DDR2: variants seen among roughly 807,000 people sequenced by gnomAD.
DDR2 encodes the protein discoidin domain receptor tyrosine kinase 2, also known as discoidin domain-containing receptor 2.
A neutral mutation model predicts 94.9 loss-of-function variants in DDR2; 27 were observed. That is an observed-to-expected ratio of 0.28 (90% CI 0.21 to 0.39). The LOEUF (loss-of-function observed/expected upper bound fraction) is 0.39. Ranked by LOEUF, DDR2 falls within the 10% of genes least tolerant of loss-of-function variation. The pLI is 1.00. For synonymous variants in DDR2, 382 were observed against 377.2 expected (o/e 1.01, Z -0.15); for missense variants, 783 against 1,076.0 (o/e 0.73, Z 3.81).
intron 2 of DDR2, among the ~76,000 whole-genome samples, chr1:162,682,577 A>G (rs1288580330): frequency 6.6e-6 from 1 of 152,236 alleles, no homozygotes; most frequent in Non-Finnish European, 1.5e-5. Flanking sequence ...GCAAAGAATA[A>G]TGGGTGCAAG....
intron 2 of DDR2, among the ~76,000 whole-genome samples, chr1:162,664,999 G>A (rs1658481045): frequency 1.3e-5 from 2 of 152,180 alleles, no homozygotes; most frequent in Admixed American, 6.5e-5. Flanking sequence ...AACATATGGA[G>A]TAGTTCTCTC....
intron 2 of DDR2, among the ~76,000 whole-genome samples, chr1:162,694,916 A>G (rs1436173582): frequency 6.6e-6 from 1 of 152,176 alleles, no homozygotes; most frequent in African/African-American, 2.4e-5. Flanking sequence ...TTCAAATTTT[A>G]ATACCACTTT....
chr1:162,777,974 A>G (rs1647677288), intron 16 of DDR2: 1 of 159,138 alleles, frequency 6.3e-6, no homozygotes, highest in African/African-American at 2.4e-5. Flanking sequence ...GTGACTGGCC[A>G]TTGCACTCCA....
chr1:162,680,174 G>A (rs992490258), intron 2 of DDR2, among the ~76,000 whole-genome samples: 1 of 152,070 alleles, frequency 6.6e-6, no homozygotes, highest in Admixed American at 6.6e-5. Context: ...TGTTGCAATT[G>A]CTTTTGGTGT....
At chr1:162,714,148 TA>T (rs1202658216) in intron 2 of DDR2, among the ~76,000 whole-genome samples, 5 of 152,184 alleles carry the variant, frequency 3.3e-5, no homozygotes, top group Admixed American at 2.6e-4. Flanking sequence ...TAGTGGCTTT[TA>T]AAAAATGATT....
At chr1:162,757,961 AAT>A (rs1427895127) in intron 7 of DDR2, among the ~76,000 whole-genome samples, 2 of 152,142 alleles carry the variant, frequency 1.3e-5, no homozygotes, top group Non-Finnish European at 2.9e-5. Flanking sequence ...TTATTCGACA[AAT>A]ATATTTTGAG....
intron 2 of DDR2, among the ~76,000 whole-genome samples, chr1:162,718,426 A>G (rs1034949362): frequency 2.0e-5 from 3 of 152,214 alleles, no homozygotes; most frequent in African/African-American, 7.2e-5. Flanking sequence ...TAACCCAGGC[A>G]TATACACATA....
intron 2 of DDR2, among the ~76,000 whole-genome samples, chr1:162,685,518 G>A (rs1452168266): frequency 6.6e-6 from 1 of 151,956 alleles, no homozygotes; most frequent in African/African-American, 2.4e-5. Flanking sequence ...CTAATCTCAG[G>A]GCTCTACTTT....
intron 2 of DDR2, among the ~76,000 whole-genome samples, chr1:162,716,371 G>T (rs560747298): frequency 6.6e-6 from 1 of 152,168 alleles, no homozygotes; most frequent in Non-Finnish European, 1.5e-5. Flanking sequence ...AAGAGCTCGG[G>T]TCTCTCTGGA....
Position 162,776,153 on chromosome 1 carries a change from T to G in DDR2, c.2066T>G (p.Phe689Cys). 1.2e-6 allele frequency: 2 copies of G among 1,613,898 alleles called. No individual in the cohort carries two copies. The highest frequency in any genetic ancestry group is 1.7e-6 in the Non-Finnish European group (2 of 1,179,920). The change falls in exon 16 of 18, where the codon TTT becomes TGT. Residue 689 changes from phenylalanine to cysteine, a missense_variant. Phe to Cys is a radical substitution (Grantham distance 205). Around this residue, in one of 2 missense-constraint regions of DDR2, gnomAD observed 264 missense variants for 428.2 expected, o/e 0.62. Coordinates refer to ENST00000367921, the MANE Select transcript of DDR2 (RefSeq NM_006182.4). The stretch of plus-strand genomic sequence containing the variant: ...TTCCTCAGTTACACCAATCTGAAGT[T>G]TATGGCTACCCAAATTGCCTCTGGC... ...VRTVSYTNLKFMATQIASGMK... is the reference protein window; with the variant it reads ...VRTVSYTNLKCMATQIASGMK...
chr1:162,671,216 G>A (rs1052321977), intron 2 of DDR2, among the ~76,000 whole-genome samples: 1 of 152,086 alleles, frequency 6.6e-6, no homozygotes, highest in African/African-American at 2.4e-5. Flanking sequence ...AAATGGCACC[G>A]GACTGGGAAT....
chr1:162,756,944 A>T (rs1251581792), intron 7 of DDR2, among the ~76,000 whole-genome samples: 1 of 152,188 alleles, frequency 6.6e-6, no homozygotes, highest in African/African-American at 2.4e-5. Context: ...TATACAAGGA[A>T]TTTGGCCAGG....
In DDR2 at chr1:162,766,303, T is replaced by C. The variant is rs573009559; in HGVS notation, c.1162+240T>C. On this transcript the variant is annotated intron_variant, in intron 10 of 17. Coordinates refer to ENST00000367921, the MANE Select transcript of DDR2 (RefSeq NM_006182.4). ...CAGAGTCTGGAGTTGTCCTAATTTC[T>C]CCATGAAAGTTTGGGAATTTGGGGT... Among the ~76,000 whole-genome samples, 5 of 152,270 alleles carry C rather than the reference T, an allele frequency of 3.3e-5. No homozygotes were observed. The East Asian group carries it at 9.7e-4, about 29-fold the overall frequency.
intron 2 of DDR2, among the ~76,000 whole-genome samples, chr1:162,706,855 T>C (rs1660685284): frequency 6.6e-6 from 1 of 152,104 alleles, no homozygotes; most frequent in South Asian, 2.1e-4. Context: ...AGGCTGCAAG[T>C]TAAAGTAACA....
intron 14 of DDR2, 42 bp downstream of exon 14, chr1:162,773,638 C>A (rs1266157460): frequency 1.2e-6 from 2 of 1,611,250 alleles, no homozygotes; most frequent in South Asian, 2.2e-5. Flanking sequence ...GGTATTTCAT[C>A]TTTAGGACCA....
rs192075831 is a variant in DDR2 at position 162,762,212 on chromosome 1, T to A, written c.1099+758T>A. On this transcript the variant is annotated intron_variant, in intron 9 of 17. Coordinates refer to ENST00000367921, the MANE Select transcript of DDR2 (RefSeq NM_006182.4). Reference sequence around the variant, plus strand: ...AATTCCTTCCATTTTTATTTCTTTTTAAATGGATTCTGGCTTGGCTGATGG... The same window carrying A: ...AATTCCTTCCATTTTTATTTCTTTTAAAATGGATTCTGGCTTGGCTGATGG... 3.5e-3 allele frequency among the ~76,000 whole-genome samples: 537 copies of A among 152,320 alleles called. 7 individuals are homozygous for A. The highest frequency in any genetic ancestry group is 0.035 in the East Asian group (180 of 5,182).
intron 2 of DDR2, among the ~76,000 whole-genome samples, chr1:162,693,253 C>T (rs1040800278): frequency 6.6e-6 from 1 of 152,126 alleles, no homozygotes; most frequent in East Asian, 1.9e-4. Flanking sequence ...GGTGATAACA[C>T]AGGTATGTTC....
intron 2 of DDR2, among the ~76,000 whole-genome samples, chr1:162,692,344 T>A (rs1446842458): frequency 6.6e-6 from 1 of 152,242 alleles, no homozygotes; most frequent in Non-Finnish European, 1.5e-5. Flanking sequence ...GAAGAATTTA[T>A]GTTTATCAAA....
intron 1 of DDR2, among the ~76,000 whole-genome samples, chr1:162,649,052 T>C (rs541116284): frequency 1.3e-5 from 2 of 152,202 alleles, no homozygotes; most frequent in East Asian, 3.9e-4. Context: ...GCTTGAGACC[T>C]ACAAAGCAAG....
Sources: gnomAD v4.1 joint callset for allele counts (sites outside exome capture counted in the v4.1 genomes callset) on GRCh38, gnomAD v4.1.1 for gene constraint, gnomAD v4.1.1 regional missense constraint, MANE v1.5 for transcripts, NCBI Gene and HGNC (gene_info 2026-07-23, HGNC 2026-07-21) for gene names.